Variants in NAV2 observed in about 807,000 individuals in gnomAD.
NAV2 encodes the protein helicase, APC down-regulated 1.
A neutral mutation model predicts 223.2 loss-of-function variants in NAV2; 54 were observed. The ratio of observed to expected loss-of-function variants is 0.24; its 90% CI spans 0.19 to 0.30. The LOEUF (loss-of-function observed/expected upper bound fraction) is 0.30. Ranked by LOEUF, NAV2 falls within the 10% of genes least tolerant of loss-of-function variation. The probability of loss-of-function intolerance (pLI) is 1.00; values close to 1 mark genes in which losing one functional copy is unlikely to be tolerated. For missense variants in NAV2, 2,806 were observed against 3,147.5 expected (o/e 0.89, Z 2.60); for synonymous variants, 1,279 against 1,239.3 (o/e 1.03, Z -0.67).
At chr11:19,425,178 T>A (rs1051449211) in intron 1 of NAV2, among the ~76,000 whole-genome samples, 2 of 152,128 alleles carry the variant, frequency 1.3e-5, no homozygotes, top group African/African-American at 4.8e-5. Flanking sequence ...AGTGAAGAGA[T>A]TGTTTATAGA....
chr11:20,049,260 T>G, intron 15 of NAV2, 65 bp downstream of exon 15: 1 of 1,206,774 alleles, frequency 8.3e-7, no homozygotes, highest in Non-Finnish European at 1.2e-6. Context: ...AAAGATTAGC[T>G]TAGGAATCCC....
intron 1 of NAV2, among the ~76,000 whole-genome samples, chr11:19,679,701 C>G (rs1384974265): frequency 1.3e-5 from 2 of 152,194 alleles, no homozygotes; most frequent in African/African-American, 2.4e-5. Flanking sequence ...GTTCTGTGCT[C>G]CCCACATCAC....
At chr11:19,749,400 A>AT (rs1354554889) in intron 1 of NAV2, among the ~76,000 whole-genome samples, 1 of 152,146 alleles carries the variant, frequency 6.6e-6, no homozygotes, top group African/African-American at 2.4e-5. Context: ...AAATGTCGTT[A>AT]TTTTTTATGA....
intron 1 of NAV2, among the ~76,000 whole-genome samples, chr11:19,456,643 C>T (rs528984600): frequency 2.1e-4 from 32 of 152,312 alleles, no homozygotes; most frequent in African/African-American, 5.5e-4. Flanking sequence ...AAGTCAACCC[C>T]AAGTCACTGA....
chr11:19,737,438 G>A (rs534389372), intron 1 of NAV2, among the ~76,000 whole-genome samples: 1 of 152,274 alleles, frequency 6.6e-6, no homozygotes, highest in South Asian at 2.1e-4. Flanking sequence ...TTACATCATG[G>A]CAGGGAGAAG....
intron 1 of NAV2, among the ~76,000 whole-genome samples, chr11:19,534,462 G>A (rs892471087): frequency 7.9e-5 from 12 of 152,186 alleles, no homozygotes; most frequent in African/African-American, 2.2e-4. Context: ...TGCTTCCTAC[G>A]AGCTCAGTGT....
At chr11:19,862,528 C>T (rs2061849857) in intron 3 of NAV2, among the ~76,000 whole-genome samples, 1 of 152,218 alleles carries the variant, frequency 6.6e-6, no homozygotes, top group South Asian at 2.1e-4. Flanking sequence ...ATACATCAGC[C>T]TGAGTAGCTT....
intron 1 of NAV2, among the ~76,000 whole-genome samples, chr11:19,634,872 G>A (rs1353535525): frequency 6.6e-6 from 1 of 152,172 alleles, no homozygotes; most frequent in Non-Finnish European, 1.5e-5. Flanking sequence ...AACTATCTAG[G>A]CAGAAAATAA....
At chr11:20,068,291 A>G (rs1449007811) in intron 21 of NAV2, 33 bp from the exon 22 acceptor site, 1 of 1,611,898 alleles carries the variant, frequency 6.2e-7, no homozygotes, top group East Asian at 2.2e-5. Flanking sequence ...ATGGACCCCC[A>G]AAGCATGTAA....
intron 1 of NAV2, among the ~76,000 whole-genome samples, chr11:19,396,314 G>A (rs1849446225): frequency 6.6e-6 from 1 of 152,114 alleles, no homozygotes; most frequent in Non-Finnish European, 1.5e-5. Flanking sequence ...GAAGTACGGA[G>A]GCAGGATTCA....
At chr11:19,464,524 TCTC>T (rs1443829421) in intron 1 of NAV2, among the ~76,000 whole-genome samples, 9 of 152,314 alleles carry the variant, frequency 5.9e-5, no homozygotes, top group African/African-American at 1.7e-4. Flanking sequence ...GCAAGTCCCT[TCTC>T]CTCTTTAGGC....
intron 1 of NAV2, among the ~76,000 whole-genome samples, chr11:19,566,060 T>TTATTTTATTA (rs1295847576): frequency 6.6e-6 from 1 of 150,672 alleles, no homozygotes; most frequent in African/African-American, 2.4e-5. Context: ...TTATTTTATT[T>TTATTTTATTA]TATTTTATTT....
intron 1 of NAV2, among the ~76,000 whole-genome samples, chr11:19,494,783 G>A (rs187537001): frequency 1.3e-5 from 2 of 152,334 alleles, no homozygotes; most frequent in East Asian, 3.9e-4. Context: ...TGCCCTACAG[G>A]AGGAAGGCTG....
chr11:19,877,470 CTTT>C (rs1289323253), intron 4 of NAV2, among the ~76,000 whole-genome samples: 2 of 82,616 alleles, frequency 2.4e-5, no homozygotes, highest in Admixed American at 1.1e-4. Flanking sequence ...TATCTTCATT[CTTT>C]TTTTTTTTTT....
rs1162391816 is a variant in NAV2, at chr11:19,583,222, G to T, written c.75+232195G>T. 2.0e-5 allele frequency among the ~76,000 whole-genome samples: 3 copies of T among 152,290 alleles called. No homozygotes were observed. In the East Asian group the frequency reaches 5.8e-4, roughly 29 times the overall value. ...AGAATGCTTGTGATTTTTGCACATT[G>T]ATTTTGTATCCTGAGACTTTGCTGA... is the stretch of plus-strand genomic sequence containing the variant. On this transcript the variant is annotated intron_variant, in intron 1 of 37. Coordinates refer to the NAV2 transcript ENST00000360655.
At chr11:19,750,434 G>C (rs542045066) in intron 1 of NAV2, among the ~76,000 whole-genome samples, 1 of 152,206 alleles carries the variant, frequency 6.6e-6, no homozygotes, top group East Asian at 1.9e-4. Context: ...CAATGCTTTG[G>C]CCGTTGCCAG....
At chr11:20,116,833 T>A (rs1458781915) in intron 37 of NAV2, among the ~76,000 whole-genome samples, 1 of 152,236 alleles carries the variant, frequency 6.6e-6, no homozygotes, top group African/African-American at 2.4e-5. Context: ...AGCTCTCTTC[T>A]GTATTAATCC....
chr11:19,639,742 C>A (rs1167030129), intron 1 of NAV2, among the ~76,000 whole-genome samples: 1 of 152,204 alleles, frequency 6.6e-6, no homozygotes, highest in Non-Finnish European at 1.5e-5. Flanking sequence ...CTCACAGGCA[C>A]CCCCTACAGA....
chr11:19,419,474 G>T (rs1030075175), intron 1 of NAV2, among the ~76,000 whole-genome samples: 1 of 152,140 alleles, frequency 6.6e-6, no homozygotes, highest in African/African-American at 2.4e-5. Context: ...TGCAGCAATC[G>T]ACTGCTCCTC....
Sources: gnomAD v4.1 joint callset for allele counts (sites outside exome capture counted in the v4.1 genomes callset) on GRCh38, gnomAD v4.1.1 for gene constraint, MANE v1.5 for transcripts, NCBI Gene and HGNC (gene_info 2026-07-23, HGNC 2026-07-21) for gene names.